Variants in TK2 observed in about 807,000 individuals in gnomAD.
TK2 encodes thymidine kinase 2.
TK2 carries 35 observed loss-of-function variants against 41.9 expected under a neutral mutation model. The observed-to-expected ratio is 0.84, with a 90% CI of 0.64 to 1.11. The LOEUF is 1.11. Among genes scored for constraint, TK2 ranks in the 50% least tolerant of loss-of-function variants. The probability of loss-of-function intolerance (pLI) is 0.00; values close to 1 mark genes in which losing one functional copy is unlikely to be tolerated. For missense variants in TK2, 320 were observed against 351.1 expected (o/e 0.91, Z 0.71); for synonymous variants, 128 against 129.1 (o/e 0.99, Z 0.06).
intron 6 of TK2, among the ~76,000 whole-genome samples, chr16:66,528,062 CAA>C (rs1964989311): frequency 6.6e-6 from 1 of 152,064 alleles, no homozygotes; most frequent in South Asian, 2.1e-4. Context: ...AAAAACGAAA[CAA>C]AGACTAACAA....
chr16:66,541,740 T>C (rs1015696056), intron 3 of TK2, 139 bp downstream of exon 3: 13 of 859,842 alleles, frequency 1.5e-5, no homozygotes, highest in Admixed American at 2.0e-5. Flanking sequence ...AATGAGGATA[T>C]TAGAAATGTT....
intron 6 of TK2, among the ~76,000 whole-genome samples, chr16:66,519,994 T>C (rs1964732993): frequency 6.6e-6 from 1 of 152,158 alleles, no homozygotes; most frequent in Non-Finnish European, 1.5e-5. Flanking sequence ...GAGAGGGACA[T>C]TCTCCCCTAG....
chr16:66,520,976 C>A (rs1436612919), intron 6 of TK2, among the ~76,000 whole-genome samples: 1 of 152,156 alleles, frequency 6.6e-6, no homozygotes, highest in East Asian at 1.9e-4. Context: ...AGAGGTGGCA[C>A]CAAAGGGGTG....
chr16:66,533,769 AGG>A (rs1965191816), intron 4 of TK2, among the ~76,000 whole-genome samples: 3 of 152,030 alleles, frequency 2.0e-5, no homozygotes, highest in African/African-American at 7.2e-5. Flanking sequence ...GCACTCTGGG[AGG>A]CCGAGGTGCG....
chr16:66,531,672 T>C (rs1214210086), intron 4 of TK2, among the ~76,000 whole-genome samples: 4 of 152,062 alleles, frequency 2.6e-5, no homozygotes, highest in Non-Finnish European at 5.9e-5. Context: ...TGGTAACAGC[T>C]ATAATAGGAG....
At chr16:66,546,101 G>A (rs1965599103) in intron 2 of TK2, among the ~76,000 whole-genome samples, 1 of 151,750 alleles carries the variant, frequency 6.6e-6, no homozygotes, top group Admixed American at 6.6e-5. Flanking sequence ...ATGGTGGTAT[G>A]TGCCTGTAGT....
chr16:66,531,564 C>T (rs1965114544), intron 4 of TK2, 95 bp from the exon 5 acceptor site: 1 of 1,207,122 alleles, frequency 8.3e-7, no homozygotes, highest in Non-Finnish European at 1.2e-6. Flanking sequence ...AAGAAACCTA[C>T]ACAGGCAGGG....
Position 66,550,101 on chromosome 16 carries a change from G to A in TK2, c.-40C>T, listed in dbSNP as rs1237970981. On this transcript the variant is annotated 5_prime_UTR_variant, in exon 1 of 10. Transcript: ENST00000544898. Reference sequence around the variant, plus strand: ...ATCCAGAGGCCCGGGGTTCCTTCTTGTGCGAGTCGGCGCGGACGACTGCTA... The same window carrying A: ...ATCCAGAGGCCCGGGGTTCCTTCTTATGCGAGTCGGCGCGGACGACTGCTA... The A allele has an allele frequency of 1.2e-6, 2 of 1,608,110 alleles. No individual in the cohort carries two copies. Among genetic ancestry groups the A allele is most frequent in the African/African-American group, 1.3e-5 (1 of 74,904 alleles).
rs1964449764 is a variant in TK2, at chr16:66,511,537, C to T, written c.*431G>A. 6.3e-6 allele frequency: 2 copies of T among 318,992 alleles called. No homozygotes were observed. Among genetic ancestry groups the T allele is most frequent in the Non-Finnish European group, 1.2e-5 (2 of 163,536 alleles). The allele number at this position is 318,992 out of a possible 1,614,324, so 19.8% of individuals were successfully genotyped here. ...CTCCACTGCACACAGGCTGTGTGACCTCTGGGGAGCCCCTCAACCTTTCTG... is the reference window on the plus strand; with the variant it reads ...CTCCACTGCACACAGGCTGTGTGACTTCTGGGGAGCCCCTCAACCTTTCTG... On this transcript the variant is annotated 3_prime_UTR_variant, in exon 10 of 10. Transcript: ENST00000544898.
At position 66,538,765 on chromosome 16, in the gene TK2, C is replaced by G. The variant is rs139902542; in HGVS notation, c.232-1748G>C. On this transcript the variant is annotated intron_variant, in intron 3 of 9. Transcript: ENST00000544898. ...TAACCTCGCTGGGAAGGTCAGGGGA[C>G]ACGGAGCTCAGATCTGAAGGGAGAG... is the stretch of plus-strand genomic sequence containing the variant. 3.9e-5 allele frequency among the ~76,000 whole-genome samples: 6 copies of G among 152,250 alleles called. No homozygotes were observed. The East Asian group carries it at 1.2e-3, about 29-fold the overall frequency.
Position 66,511,051 on chromosome 16 carries a change from A to C in TK2, c.*917T>G, listed in dbSNP as rs1964436001. On this transcript the variant is annotated 3_prime_UTR_variant, in exon 10 of 10. Transcript: ENST00000544898. ...TATACAAGGACACAGACAGTACGGG[A>C]GCCTTGGAAGCCAGGGCTGGCTGCC... The C allele has an allele frequency of 6.6e-6, 1 of 152,262 alleles. No homozygotes were observed. Among genetic ancestry groups the C allele is most frequent in the South Asian group, 2.1e-4 (1 of 4,832 alleles). The allele number at this position is 152,262 out of a possible 1,614,324, so 9.4% of individuals were successfully genotyped here. A position where few individuals can be genotyped will look rare whatever the true frequency, so the allele number is the denominator to read the frequency against.
At chr16:66,549,116 G>A (rs1965699087) in intron 1 of TK2, 107 bp from the exon 2 acceptor site, 7 of 1,569,662 alleles carry the variant, frequency 4.5e-6, no homozygotes, top group Non-Finnish European at 5.2e-6. Flanking sequence ...TCACTCCCTG[G>A]CCTAAAAACA....
chr16:66,512,330 A>G (rs1964475403), intron 9 of TK2, among the ~76,000 whole-genome samples: 1 of 152,240 alleles, frequency 6.6e-6, no homozygotes, highest in East Asian at 1.9e-4. Flanking sequence ...TGGGAGGCTG[A>G]GACCTGAAGA....
chr16:66,513,741 G>A lies in TK2; in HGVS notation c.689C>T (p.Ala230Val). Residue 230 changes from alanine to valine, a missense_variant, in exon 9 of 10, where the codon GCC (alanine) becomes GTC (valine). Physicochemically the swap from Ala to Val is moderately conservative, Grantham distance 64 (BLOSUM62 0). Transcript: ENST00000544898. The stretch of plus-strand genomic sequence containing the variant: ...GGGAGTCTTACTTACCAGAACAGGG[G>A]CTGCCATGGGGAAAAGGCTGCCTTT... ...LIKGSLFPMA[A>V]PVLVIEADHH... 1.2e-6 allele frequency: 2 copies of A among 1,613,894 alleles called. No homozygotes were observed. Among genetic ancestry groups the A allele is most frequent in the Non-Finnish European group, 1.7e-6 (2 of 1,179,916 alleles).
intron 3 of TK2, among the ~76,000 whole-genome samples, chr16:66,537,426 C>G (rs112643136): frequency 1.3e-5 from 2 of 152,354 alleles, no homozygotes; most frequent in African/African-American, 4.8e-5. Context: ...CTGGACAGGG[C>G]TAGGCCTTGG....
intron 2 of TK2, among the ~76,000 whole-genome samples, chr16:66,545,532 T>G (rs1410066064): frequency 6.6e-6 from 1 of 152,092 alleles, no homozygotes; most frequent in East Asian, 1.9e-4. Flanking sequence ...GTCAAAATAT[T>G]ATGCTAAGCA....
At chr16:66,547,337 A>G (rs1965639499) in intron 2 of TK2, among the ~76,000 whole-genome samples, 1 of 152,086 alleles carries the variant, frequency 6.6e-6, no homozygotes, top group Non-Finnish European at 1.5e-5. Context: ...GGTTCCCCAC[A>G]TCGCTCCCTG....
At chr16:66,549,594 C>A (rs1288079979) in intron 1 of TK2, 43 of 1,110,072 alleles carry the variant, frequency 3.9e-5, no homozygotes, top group Admixed American at 4.8e-5. Context: ...TGAGCAGAAT[C>A]GGCTTAAGGC....
intron 2 of TK2, chr16:66,548,114 C>T: frequency 2.2e-6 from 1 of 459,282 alleles, no homozygotes; most frequent in Non-Finnish European, 4.2e-6. Context: ...TCCAGCTCAA[C>T]TTTGCATTTC....
Sources: gnomAD v4.1 joint callset for allele counts (sites outside exome capture counted in the v4.1 genomes callset) on GRCh38, gnomAD v4.1.1 for gene constraint, MANE v1.5 for transcripts, NCBI Gene and HGNC (gene_info 2026-07-23, HGNC 2026-07-21) for gene names.